Variants in PNO1 observed in about 807,000 individuals in gnomAD.
PNO1 encodes partner of NOB1 homolog, also known as RNA-binding protein PNO1.
PNO1 carries 16 observed loss-of-function variants against 28.4 expected under a neutral mutation model. The observed-to-expected ratio is 0.56, with a 90% confidence interval of 0.38 to 0.85. The LOEUF (loss-of-function observed/expected upper bound fraction) is 0.85, where lower values mean the gene tolerates loss of function less well. PNO1 is among the 40% of genes least tolerant of loss of function. The pLI is 0.00. For synonymous variants in PNO1, 115 were observed against 110.8 expected (o/e 1.04, Z -0.24); for missense variants, 304 against 312.2 (o/e 0.97, Z 0.20).
chr2:68,166,762 A>G (rs1674005605), intron 5 of PNO1, among the ~76,000 whole-genome samples: 1 of 152,158 alleles, frequency 6.6e-6, no homozygotes, highest in African/African-American at 2.4e-5. Context: ...CCTTCTGCCA[A>G]ATTGTCTAAT....
intron 6 of PNO1, among the ~76,000 whole-genome samples, chr2:68,174,005 T>C (rs568894846): frequency 6.6e-5 from 10 of 152,328 alleles, no homozygotes; most frequent in African/African-American, 2.4e-4. Context: ...CATTCCAGAA[T>C]AGCAGGGAAC....
chr2:68,167,697 A>G (rs1223579657), intron 5 of PNO1, among the ~76,000 whole-genome samples: 1 of 152,174 alleles, frequency 6.6e-6, no homozygotes, highest in Non-Finnish European at 1.5e-5. Flanking sequence ...ATTTCTCCTC[A>G]GTGATTTTCT....
intron 5 of PNO1, among the ~76,000 whole-genome samples, chr2:68,168,410 G>C (rs1002078467): frequency 6.6e-5 from 10 of 152,198 alleles, no homozygotes; most frequent in Non-Finnish European, 1.2e-4. Context: ...ATGTTACTGG[G>C]ATCAGTCTCT....
At chr2:68,171,642 G>T (rs552428420) in intron 5 of PNO1, among the ~76,000 whole-genome samples, 1 of 152,318 alleles carries the variant, frequency 6.6e-6, no homozygotes, top group East Asian at 1.9e-4. Flanking sequence ...GAAGGGGAAA[G>T]CACAAAGATC....
intron 5 of PNO1, among the ~76,000 whole-genome samples, chr2:68,165,281 G>A (rs1262672596): frequency 2.7e-5 from 4 of 147,850 alleles, no homozygotes; most frequent in Non-Finnish European, 6.0e-5. Context: ...GGAGAATGGC[G>A]TGAACCCGGG....
chr2:68,161,796 G>A lies in PNO1; in HGVS notation c.441+30G>A, dbSNP rs772799674. On this transcript the variant is annotated intron_variant, in intron 3 of 6. Transcript: ENST00000263657. ...GTAATTCCATGATATCTAAAATGGG[G>A]ACTTTAAAAATATTCAATGTGAACA... The A allele has an allele frequency of 7.1e-6, 10 of 1,409,066 alleles. No homozygotes were observed. In the African/African-American group the frequency reaches 1.4e-4, roughly 20 times the overall value. 87.3% of individuals were successfully genotyped at this position (1,409,066 alleles called of 1,614,324 possible). A position where few individuals can be genotyped will look rare whatever the true frequency, so the allele number is the denominator to read the frequency against.
In PNO1 at chr2:68,175,221, T is replaced by C. The variant is rs1674244929; in HGVS notation, c.*419T>C. ...TTTAATAGATTATCTCAGAAAAACC[T>C]CTCTGAATGATGACCCTTCCTTAAT... On this transcript the variant is annotated 3_prime_UTR_variant, in exon 7 of 7. Transcript: ENST00000263657. 6.5e-6 allele frequency: 1 copy of C among 153,170 alleles called. No individual in the cohort carries two copies. Among genetic ancestry groups the C allele is most frequent in the Non-Finnish European group, 1.5e-5 (1 of 68,708 alleles). 9.5% of individuals were successfully genotyped at this position (153,170 alleles called of 1,614,324 possible).
intron 5 of PNO1, among the ~76,000 whole-genome samples, chr2:68,170,616 T>C (rs968478499): frequency 5.3e-5 from 8 of 151,688 alleles, no homozygotes; most frequent in South Asian, 2.1e-4. Context: ...GGCGTGGTGG[T>C]GGGCACCTGT....
chr2:68,158,406 T>C lies in PNO1; in HGVS notation c.234T>C (p.Ile78=). The C allele has an allele frequency of 6.2e-7, 1 of 1,612,172 alleles. No individual in the cohort carries two copies. The change falls in exon 2 of 7, where the codon ATT becomes ATC. Residue 78 remains isoleucine, a synonymous_variant. Transcript: ENST00000263657. ...LLSGKEETRK[I]PVPANRYTPL... ...GTGGGAAAGAAGAAACAAGGAAAAT[T>C]CCAGTCCCAGCTAACAGATACACAC...
At chr2:68,162,226 A>T (rs1426561644) in intron 3 of PNO1, 39 bp from the exon 4 acceptor site, 2 of 1,507,446 alleles carry the variant, frequency 1.3e-6, no homozygotes, top group Non-Finnish European at 1.8e-6. Context: ...CAGGTGTGCA[A>T]ATGGAAGGGG....
intron 5 of PNO1, among the ~76,000 whole-genome samples, chr2:68,171,445 C>T (rs1030398251): frequency 6.6e-6 from 1 of 152,208 alleles, no homozygotes; most frequent in Non-Finnish European, 1.5e-5. Flanking sequence ...CAGTTGACTT[C>T]GGTCTGCACA....
In PNO1 at chr2:68,162,532, C is replaced by T. The variant is rs775890998; in HGVS notation, c.503-14C>T. ...GAATGGCTTGCCTCCTGAGATCTTG[C>T]TTTTCTTGTTTAGTTAAACCCCTAA... On this transcript the variant is annotated splice_polypyrimidine_tract_variant and intron_variant, in intron 4 of 6. Coordinates refer to ENST00000263657, the MANE Select transcript of PNO1 (RefSeq NM_020143.4). 5 of 1,568,490 alleles carry T rather than the reference C, an allele frequency of 3.2e-6. No individual in the cohort carries two copies. Among genetic ancestry groups the T allele is most frequent in the East Asian group, 2.2e-5 (1 of 44,664 alleles).
intron 5 of PNO1, among the ~76,000 whole-genome samples, chr2:68,168,945 T>G (rs1178295858): frequency 1.8e-5 from 2 of 113,154 alleles, no homozygotes; most frequent in Non-Finnish European, 3.6e-5. Flanking sequence ...TTTTTTTTTT[T>G]TGAGATGGAG....
At chr2:68,170,580 T>C (rs1572941914) in intron 5 of PNO1, among the ~76,000 whole-genome samples, 1 of 152,014 alleles carries the variant, frequency 6.6e-6, no homozygotes, top group East Asian at 1.9e-4. Flanking sequence ...ACCCCGTCTC[T>C]ACTAAAAATA....
chr2:68,173,083 CT>C (rs200879340), intron 5 of PNO1: 14,242 of 111,558 alleles, frequency 0.13, 810 homozygotes, highest in Middle Eastern at 0.2. Flanking sequence ...TCTACAATGT[CT>C]TTTTTTTTTT....
chr2:68,170,924 A>G (rs1396235722), intron 5 of PNO1, among the ~76,000 whole-genome samples: 1 of 152,062 alleles, frequency 6.6e-6, no homozygotes, highest in Non-Finnish European at 1.5e-5. Flanking sequence ...TTGACTTTCT[A>G]CCATCAAAGA....
chr2:68,166,200 T>A (rs1673992401), intron 5 of PNO1, among the ~76,000 whole-genome samples: 1 of 152,202 alleles, frequency 6.6e-6, no homozygotes, highest in African/African-American at 2.4e-5. Flanking sequence ...TGTTGACCCT[T>A]GAATATTGCA....
At chr2:68,173,258 C>T (rs1258384258) in intron 5 of PNO1, 89 bp from the exon 6 acceptor site, 2 of 793,058 alleles carry the variant, frequency 2.5e-6, no homozygotes, top group Non-Finnish European at 4.5e-6. Flanking sequence ...CACAAATGAT[C>T]TACCTGCCTT....
chr2:68,158,980 A>C (rs527499612), intron 2 of PNO1, among the ~76,000 whole-genome samples: 1 of 152,222 alleles, frequency 6.6e-6, no homozygotes, highest in African/African-American at 2.4e-5. Context: ...CCTAGATGGT[A>C]TGTGTATATT....
Sources: allele counts gnomAD v4.1 joint callset (sites outside exome capture counted in the v4.1 genomes callset), GRCh38; gene constraint gnomAD v4.1.1; transcripts MANE v1.5; gene names NCBI Gene and HGNC (gene_info 2026-07-23, HGNC 2026-07-21).